The following GALNT13 variants were observed in gnomAD, a reference collection of about 807,000 sequenced individuals.
The protein encoded by GALNT13 is UDP-GalNAc:polypeptide N-acetylgalactosaminyltransferase 13.
A neutral mutation model predicts 64.2 loss-of-function variants in GALNT13; 28 were observed. The ratio of observed to expected loss-of-function variants is 0.44; its 90% CI spans 0.32 to 0.60. The LOEUF is 0.60. GALNT13 is among the 20% of genes least tolerant of loss of function. GALNT13 has a pLI of 0.05. For missense variants in GALNT13, 577 were observed against 669.8 expected (o/e 0.86, Z 1.53); for synonymous variants, 214 against 224.6 (o/e 0.95, Z 0.42).
At chr2:154,132,072 C>T (rs1682650054) in intron 3 of GALNT13, among the ~76,000 whole-genome samples, 3 of 152,108 alleles carry the variant, frequency 2.0e-5, no homozygotes, top group African/African-American at 7.2e-5. Context: ...TTAAATTGTG[C>T]CCACCCAGAT....
chr2:154,359,912 C>A (rs13035081), intron 9 of GALNT13, among the ~76,000 whole-genome samples: 9,873 of 152,066 alleles, frequency 0.065, 323 homozygotes, highest in East Asian at 0.11. Flanking sequence ...AGAATGCTGT[C>A]TAAGGCAATC....
At chr2:154,138,302 A>G (rs1015267157) in intron 3 of GALNT13, among the ~76,000 whole-genome samples, 1 of 152,076 alleles carries the variant, frequency 6.6e-6, no homozygotes, top group African/African-American at 2.4e-5. Flanking sequence ...CTCTTTTCCT[A>G]TTAATCTGTA....
chr2:154,370,414 C>T (rs1697617226), intron 9 of GALNT13, among the ~76,000 whole-genome samples: 1 of 152,148 alleles, frequency 6.6e-6, no homozygotes, highest in Non-Finnish European at 1.5e-5. Flanking sequence ...GTTAAGACTA[C>T]TTCACAGTCA....
the GALNT13 span, among the ~76,000 whole-genome samples, chr2:153,238,112 T>A: frequency 2.0e-5 from 3 of 152,122 alleles, no homozygotes; most frequent in African/African-American, 4.8e-5. Flanking sequence ...TTCATATACC[T>A]GTTTGCCATT....
chr2:153,974,010 T>G (rs558465493), intron 3 of GALNT13, among the ~76,000 whole-genome samples: 1 of 152,194 alleles, frequency 6.6e-6, no homozygotes, highest in South Asian at 2.1e-4. Flanking sequence ...ATTTATAGAC[T>G]TTTACTTTGA....
At chr2:153,963,729 CTCTGTGTGTGTGTGTGTG>C (rs1416975930) in intron 3 of GALNT13, among the ~76,000 whole-genome samples, 26 of 117,240 alleles carry the variant, frequency 2.2e-4, no homozygotes, top group East Asian at 3.6e-4. Context: ...CTCTCTCTCT[CTCTGTGTGTGTGTGTGTG>C]TGTGTGTGTG....
chr2:153,783,201 A>AT, the GALNT13 span, among the ~76,000 whole-genome samples: 1 of 152,256 alleles, frequency 6.6e-6, no homozygotes, highest in Non-Finnish European at 1.5e-5. Context: ...AATACATATC[A>AT]TGAAAATCAA....
At chr2:154,374,056 T>C (rs1697843411) in intron 9 of GALNT13, among the ~76,000 whole-genome samples, 1 of 152,206 alleles carries the variant, frequency 6.6e-6, no homozygotes, top group South Asian at 2.1e-4. Flanking sequence ...CATGAAGTAC[T>C]GTCTTTACTC....
the GALNT13 span, among the ~76,000 whole-genome samples, chr2:153,673,349 G>C: frequency 1.3e-5 from 2 of 152,064 alleles, no homozygotes; most frequent in South Asian, 4.2e-4. Flanking sequence ...ACAACAAAAA[G>C]CTTATCTACC....
the GALNT13 span, among the ~76,000 whole-genome samples, chr2:153,435,021 G>A: frequency 6.6e-6 from 1 of 152,150 alleles, no homozygotes; most frequent in Admixed American, 6.5e-5. Flanking sequence ...GTGTAAGGAA[G>A]GGATCCAGTT....
the GALNT13 span, among the ~76,000 whole-genome samples, chr2:153,317,285 C>A: frequency 6.6e-6 from 1 of 151,978 alleles, no homozygotes; most frequent in African/African-American, 2.4e-5. Context: ...TGAAGAGACA[C>A]TTTATCATTC....
intron 4 of GALNT13, among the ~76,000 whole-genome samples, chr2:154,182,350 G>A (rs985515769): frequency 1.3e-5 from 2 of 151,938 alleles, no homozygotes; most frequent in African/African-American, 2.4e-5. Flanking sequence ...GTGCGCATTT[G>A]GTAAAAGTAC....
the GALNT13 span, among the ~76,000 whole-genome samples, chr2:153,643,201 C>T: frequency 6.6e-6 from 1 of 150,958 alleles, no homozygotes. Flanking sequence ...AAAGTGAATT[C>T]ACAAAGAAAA....
At chr2:153,405,670 A>C in the GALNT13 span, among the ~76,000 whole-genome samples, 1 of 152,206 alleles carries the variant, frequency 6.6e-6, no homozygotes, top group Middle Eastern at 3.2e-3. Context: ...TAACAAATTG[A>C]AACTGTAAGA....
the GALNT13 span, among the ~76,000 whole-genome samples, chr2:153,439,854 G>A: frequency 6.6e-6 from 1 of 152,178 alleles, no homozygotes; most frequent in Non-Finnish European, 1.5e-5. Context: ...ACTCCCCAGT[G>A]AGATGAACCC....
the GALNT13 span, among the ~76,000 whole-genome samples, chr2:153,231,657 C>T: frequency 1.1e-3 from 174 of 152,072 alleles, 1 homozygote; most frequent in African/African-American, 3.9e-3. Flanking sequence ...TCAGCTGTTA[C>T]GTTTATTTTT....
intron 3 of GALNT13, among the ~76,000 whole-genome samples, chr2:154,123,850 A>G (rs1269765096): frequency 6.6e-6 from 1 of 152,076 alleles, no homozygotes; most frequent in Non-Finnish European, 1.5e-5. Context: ...ATATATCAGC[A>G]GGTCTGAGAA....
the GALNT13 span, among the ~76,000 whole-genome samples, chr2:153,713,628 G>A: frequency 6.6e-6 from 1 of 152,132 alleles, no homozygotes; most frequent in East Asian, 1.9e-4. Context: ...GACTACAGGT[G>A]TACGCCACCA....
chr2:153,706,614 G>A, the GALNT13 span, among the ~76,000 whole-genome samples: 4 of 152,164 alleles, frequency 2.6e-5, no homozygotes, highest in African/African-American at 9.7e-5. Flanking sequence ...GACTCAGTTG[G>A]TTGCTTTATG....
Sources: allele counts gnomAD v4.1 joint callset (sites outside exome capture counted in the v4.1 genomes callset), GRCh38; gene constraint gnomAD v4.1.1; transcripts MANE v1.5; gene names NCBI Gene and HGNC (gene_info 2026-07-23, HGNC 2026-07-21).